Variants in SCN4A observed in about 807,000 individuals in gnomAD.
SCN4A encodes the protein sodium voltage-gated channel alpha subunit 4, also known as sodium channel protein type 4 subunit alpha.
A neutral mutation model predicts 162.0 loss-of-function variants in SCN4A; 83 were observed. The observed-to-expected ratio is 0.51, with a 90% CI of 0.43 to 0.61. SCN4A has a LOEUF of 0.61. Ranked by LOEUF, SCN4A falls within the 20% of genes least tolerant of loss-of-function variation. SCN4A has a pLI of 0.00. For synonymous variants in SCN4A, 944 were observed against 985.1 expected (o/e 0.96, Z 0.78); for missense variants, 2,196 against 2,462.5 (o/e 0.89, Z 2.29).
chr17:63,966,133 G>T lies in SCN4A; in HGVS notation c.1211C>A (p.Thr404Lys). The T allele has an allele frequency of 1.3e-6, 2 of 1,588,798 alleles. No homozygotes were observed. The highest frequency in any genetic ancestry group is 8.6e-7 in the Non-Finnish European group (1 of 1,167,504). Residue 404 changes from threonine to lysine, a missense_variant, in exon 8 of 24, where the codon ACA (threonine) becomes AAA (lysine). By Grantham distance (78) the Thr-to-Lys change is moderately conservative. Coordinates refer to ENST00000435607, the MANE Select transcript of SCN4A (RefSeq NM_000334.4). The stretch of plus-strand genomic sequence containing the variant: ...GAAGAGGTTCTCCCAATAGTCCTGT[G>T]TCATGAGGCGGAAGAGAGCCAAGAA... ...WAFLALFRLM[T>K]QDYWENLFQL...
intron 18 of SCN4A, 37 bp downstream of exon 18, chr17:63,947,008 A>AAACCCCCCC: frequency 2.6e-6 from 2 of 782,414 alleles, no homozygotes; most frequent in East Asian, 4.2e-5. Flanking sequence ...CCGGTCCCCC[A>AAACCCCCCC]TCCCCAGCCC....
chr17:63,958,800 G>A lies in SCN4A; in HGVS notation c.2019+465C>T, dbSNP rs62070885. Among the ~76,000 whole-genome samples the A allele has an allele frequency of 7.8e-3, 1,188 of 152,330 alleles. 6 individuals carry two copies. The highest frequency in any genetic ancestry group is 0.031 in the Admixed American group (471 of 15,294). On this transcript the variant is annotated intron_variant, in intron 12 of 23. Transcript: ENST00000435607. ...ACTCCTGACCTCAGGTGATCCACGCGCCTTGGCCTCCCAAAGTGTTGGGAT... is the reference window on the plus strand; with the variant it reads ...ACTCCTGACCTCAGGTGATCCACGCACCTTGGCCTCCCAAAGTGTTGGGAT...
chr17:63,940,448 A>C lies in SCN4A; in HGVS notation c.*323T>G. The C allele has an allele frequency of 3.1e-6, 1 of 321,264 alleles. No homozygotes were observed. 19.9% of individuals were successfully genotyped at this position (321,264 alleles called of 1,614,324 possible). On this transcript the variant is annotated 3_prime_UTR_variant, in exon 24 of 24. Transcript: ENST00000435607. ...GCTCCTCCTCAAGTGAGGGGCAGAG[A>C]TTCGAATGTTCTGACCTCCCCCAGG... is the stretch of plus-strand genomic sequence containing the variant.
At chr17:63,952,587 C>G (rs1313863696) in intron 13 of SCN4A, among the ~76,000 whole-genome samples, 1 of 152,130 alleles carries the variant, frequency 6.6e-6, no homozygotes, top group Non-Finnish European at 1.5e-5. Context: ...TTAAGTGGGA[C>G]TTTATAGACC....
rs1300441541 is a variant in SCN4A at position 63,950,018 on chromosome 17, G to C, written c.2854-490C>G. On this transcript the variant is annotated intron_variant, in intron 14 of 23. Transcript: ENST00000435607. This position sits in a 1 kb window ranked among gnomAD's most constrained non-coding sequence, Gnocchi z 4.6. ...GAGGAATCCAGAAAGGGTGGAAAAT[G>C]TTCCCCAGCCAAAGCCTCCATCCAG... 3.3e-5 allele frequency among the ~76,000 whole-genome samples: 5 copies of C among 152,096 alleles called. No individual in the cohort carries two copies. Among genetic ancestry groups the C allele is most frequent in the Non-Finnish European group, 7.4e-5 (5 of 67,992 alleles).
In SCN4A at chr17:63,947,915, C is replaced by T. The variant is rs1050182641; in HGVS notation, c.3293G>A (p.Cys1098Tyr). The change falls in exon 17 of 24, where the codon TGC becomes TAC. Residue 1098 changes from cysteine (C) to tyrosine (Y), a missense_variant. Coordinates refer to ENST00000435607, the MANE Select transcript of SCN4A (RefSeq NM_000334.4). ...ATCCACGATGAGGAAGTCGAGCCAG[C>T]ACCAGGCGTTGGTGAAGTACACCTT... ...GFKVYFTNAW[C>Y]WLDFLIVDVS... The T allele has an allele frequency of 6.8e-6, 11 of 1,613,704 alleles. No individual in the cohort carries two copies. The highest frequency in any genetic ancestry group is 9.3e-6 in the Non-Finnish European group (11 of 1,179,734).
Position 63,941,321 on chromosome 17 carries a change from G to T in SCN4A, c.4961C>A (p.Ala1654Asp). ...GATGAGCTTGATCTTGTTGGGCTTG[G>T]CAATCCTCAGCGGTTCCTGCAGGGT... is the stretch of plus-strand genomic sequence containing the variant. ...VDTLQEPLRIAKPNKIKLITL... is the reference protein window; with the variant it reads ...VDTLQEPLRIDKPNKIKLITL... The change falls in exon 24 of 24, where the codon GCC (alanine) becomes GAC (aspartate). Residue 1654 changes from alanine to aspartate, a missense_variant. Transcript: ENST00000435607. This position sits in a 1 kb window ranked among gnomAD's most constrained non-coding sequence, Gnocchi z 6.2. 1 of 1,613,898 alleles carries T rather than the reference G, an allele frequency of 6.2e-7. No individual in the cohort carries two copies. The highest frequency in any genetic ancestry group is 8.5e-7 in the Non-Finnish European group (1 of 1,179,874).
chr17:63,947,832 T>C (rs1020268630), intron 17 of SCN4A, 58 bp downstream of exon 17: 2 of 1,562,764 alleles, frequency 1.3e-6, no homozygotes, highest in Non-Finnish European at 1.7e-6. Flanking sequence ...CTTCCTGAGG[T>C]CCCCGCCACA....
Position 63,966,535 on chromosome 17 carries a change from T to C in SCN4A, c.1046A>G (p.Tyr349Cys). Residue 349 changes from tyrosine to cysteine, a missense_variant, in exon 7 of 24, where the codon TAC becomes TGC. Physicochemically the swap from Tyr to Cys is radical, Grantham distance 194 (BLOSUM62 -2). Transcript: ENST00000435607. Reference sequence around the variant, plus strand: ...GGCATCGTTGGAGCCCTCCAGGAAGTAGAAGTTCCCTTTGGGAGTCAGAGG... The same window carrying C: ...GGCATCGTTGGAGCCCTCCAGGAAGCAGAAGTTCCCTTTGGGAGTCAGAGG... ...DAYISDEGNFYFLEGSNDALL... is the reference protein window; with the variant it reads ...DAYISDEGNFCFLEGSNDALL... 1 of 1,613,660 alleles carries C rather than the reference T, an allele frequency of 6.2e-7. No individual in the cohort carries two copies. Among genetic ancestry groups the C allele is most frequent in the Non-Finnish European group, 8.5e-7 (1 of 1,179,724 alleles).
At position 63,944,701 on chromosome 17, in the gene SCN4A, A is replaced by G. The variant is rs748057498; in HGVS notation, c.3884T>C (p.Ile1295Thr). ...CTTCTTCTGCTGGTTGAAGTTGTCA[A>G]TGATGACGCCAATGAAGAGGTTGAG... ...FTLNLFIGVI[I>T]DNFNQQKKKL... The change falls in exon 21 of 24, where the codon ATT becomes ACT. Residue 1295 changes from isoleucine to threonine, a missense_variant. Physicochemically the swap from Ile to Thr is moderately conservative, Grantham distance 89. Transcript: ENST00000435607. The surrounding 1 kb of genome is among the most constrained non-coding windows in gnomAD (Gnocchi z 4.3). The G allele has an allele frequency of 6.2e-7, 1 of 1,610,536 alleles. No individual in the cohort carries two copies. The highest frequency in any genetic ancestry group is 1.1e-5 in the South Asian group (1 of 90,352).
chr17:63,950,507 C>T lies in SCN4A; in HGVS notation c.2853+917G>A, dbSNP rs1908873674. Among the ~76,000 whole-genome samples, 1 of 152,230 alleles carries T rather than the reference C, an allele frequency of 6.6e-6. No individual in the cohort carries two copies. The highest frequency in any genetic ancestry group is 2.4e-5 in the African/African-American group (1 of 41,460). ...TCCCCCGCCACCTGAGTGCCTCATA[C>T]CGAGGTCTGTGCCACAGTTGCCTGG... On this transcript the variant is annotated intron_variant, in intron 14 of 23. Coordinates refer to ENST00000435607, the MANE Select transcript of SCN4A (RefSeq NM_000334.4). The surrounding 1 kb of genome is among the most constrained non-coding windows in gnomAD (Gnocchi z 4.6).
intron 13 of SCN4A, among the ~76,000 whole-genome samples, chr17:63,955,075 T>C (rs1909029562): frequency 6.6e-6 from 1 of 152,240 alleles, no homozygotes; most frequent in African/African-American, 2.4e-5. Flanking sequence ...GCTGTCACCA[T>C]GCTTCTGCTG....
intron 6 of SCN4A, among the ~76,000 whole-genome samples, chr17:63,967,260 C>A (rs1471670996): frequency 6.6e-6 from 1 of 152,044 alleles, no homozygotes; most frequent in Non-Finnish European, 1.5e-5. Context: ...TCAAGCGATT[C>A]TCCTGCCTCA....
chr17:63,944,209 G>A lies in SCN4A; in HGVS notation c.3913-359C>T, dbSNP rs553541595. Among the ~76,000 whole-genome samples the A allele has an allele frequency of 3.1e-4, 47 of 152,082 alleles. No homozygotes were observed. The highest frequency in any genetic ancestry group is 6.0e-4 in the Non-Finnish European group (41 of 67,992). ...GGCTGGAGTGCAGTGGCGCGATCTT[G>A]GCCCACTGCAACCTCCATCTCCTGG... On this transcript the variant is annotated intron_variant, in intron 21 of 23. Coordinates refer to ENST00000435607, the MANE Select transcript of SCN4A (RefSeq NM_000334.4). This position sits in a 1 kb window ranked among gnomAD's most constrained non-coding sequence, Gnocchi z 4.3.
Position 63,938,727 on chromosome 17 carries a change from G to A in SCN4A, c.*2044C>T. 1 of 152,964 alleles carries A rather than the reference G, an allele frequency of 6.5e-6. No individual in the cohort carries two copies. Among genetic ancestry groups the A allele is most frequent in the Non-Finnish European group, 1.5e-5 (1 of 68,164 alleles). The allele number at this position is 152,964 out of a possible 1,614,324, so 9.5% of individuals were successfully genotyped here. A position where few individuals can be genotyped will look rare whatever the true frequency, so the allele number is the denominator to read the frequency against. The stretch of plus-strand genomic sequence containing the variant: ...CTCATCTACTCTTCCTCTGCAACCT[G>A]CACACAGTCCGAGGAGAATATCCAA... On this transcript the variant is annotated 3_prime_UTR_variant, in exon 24 of 24. Transcript: ENST00000435607.
At position 63,945,764 on chromosome 17, in the gene SCN4A, G is replaced by C; in HGVS notation, c.3442-126C>G. On this transcript the variant is annotated intron_variant, in intron 18 of 23. Transcript: ENST00000435607. The surrounding 1 kb of genome is among the most constrained non-coding windows in gnomAD (Gnocchi z 4.4). ...CAATTAGGGAGGGCTTCCTAGAGGA[G>C]GGCCGACCTGCTGGGCTGTGTGTGT... 1.0e-6 allele frequency: 1 copy of C among 967,222 alleles called. No homozygotes were observed. Among genetic ancestry groups the C allele is most frequent in the Non-Finnish European group, 1.6e-6 (1 of 629,300 alleles). The allele number at this position is 967,222 out of a possible 1,614,324, so 59.9% of individuals were successfully genotyped here.
rs1908859076 is a variant in SCN4A at position 63,950,089 on chromosome 17, G to C, written c.2854-561C>G. Reference sequence around the variant, plus strand: ...TGTTGGGAGCGGGAGTGGGGGAGGCGGGTGCTCCAGCCGGGCCAGGCTTCC... The same window carrying C: ...TGTTGGGAGCGGGAGTGGGGGAGGCCGGTGCTCCAGCCGGGCCAGGCTTCC... On this transcript the variant is annotated intron_variant, in intron 14 of 23. Coordinates refer to ENST00000435607, the MANE Select transcript of SCN4A (RefSeq NM_000334.4). The surrounding 1 kb of genome is among the most constrained non-coding windows in gnomAD (Gnocchi z 4.6). 6.6e-6 allele frequency among the ~76,000 whole-genome samples: 1 copy of C among 152,126 alleles called. No individual in the cohort carries two copies. Among genetic ancestry groups the C allele is most frequent in the Non-Finnish European group, 1.5e-5 (1 of 68,000 alleles).
rs121908557 is a variant in SCN4A, at chr17:63,957,514, C to T, written c.2024G>A (p.Arg675Gln). The part of the protein sequence containing the change: ...LSVLRSFRLL[R>Q]VFKLAKSWPT... The stretch of plus-strand genomic sequence containing the variant: ...CCACGACTTGGCCAGCTTGAAGACC[C>T]GCAGCTGCCAAGCAGGGAGGGCAAG... The change falls in exon 13 of 24, where the codon CGG becomes CAG. Residue 675 changes from arginine to glutamine, a missense_variant. Arg to Gln is a conservative substitution (Grantham distance 43). Transcript: ENST00000435607. 11 of 1,608,758 alleles carry T rather than the reference C, an allele frequency of 6.8e-6. No homozygotes were observed. The highest frequency in any genetic ancestry group is 5.0e-5 in the Admixed American group (3 of 59,812).
Position 63,951,654 on chromosome 17 carries a change from G to A in SCN4A, c.2623C>T (p.Pro875Ser), listed in dbSNP as rs201148948. 3,674 of 1,600,916 alleles carry A rather than the reference G, an allele frequency of 2.3e-3. 8 individuals are homozygous for A. The highest frequency in any genetic ancestry group is 3.0e-3 in the Non-Finnish European group (3,499 of 1,173,558). ...GGCGGCTCCTTCTTCTCATCCTCGG[G>A]GGCAGTCTCCCCCGCCTCTCCAGCC... is the stretch of plus-strand genomic sequence containing the variant. ...GEAGEAGETA[P>S]EDEKKEPPEE... Residue 875 changes from proline to serine, a missense_variant, in exon 14 of 24, where the codon CCC (proline) becomes TCC (serine). By Grantham distance (74) the Pro-to-Ser change is moderately conservative. Coordinates refer to ENST00000435607, the MANE Select transcript of SCN4A (RefSeq NM_000334.4). This position sits in a 1 kb window ranked among gnomAD's most constrained non-coding sequence, Gnocchi z 4.5.
Sources: gnomAD v4.1 joint callset for allele counts (sites outside exome capture counted in the v4.1 genomes callset) on GRCh38, gnomAD v4.1.1 for gene constraint, Gnocchi (gnomAD v3.1) non-coding constraint, MANE v1.5 for transcripts, NCBI Gene and HGNC (gene_info 2026-07-23, HGNC 2026-07-21) for gene names.